Variants in CSMD3 observed in about 807,000 individuals in gnomAD.
CSMD3 encodes CUB and Sushi multiple domains 3.
In CSMD3, 177 loss-of-function variants were observed where a neutral mutation model predicts 435.2. The observed-to-expected ratio is 0.41, with a 90% CI of 0.36 to 0.46. The LOEUF (loss-of-function observed/expected upper bound fraction) is 0.46. Among genes scored for constraint, CSMD3 ranks in the 20% least tolerant of loss-of-function variants. CSMD3 has a pLI of 0.34. For missense variants in CSMD3, 4,265 were observed against 4,504.6 expected, an observed-to-expected ratio of 0.95 and a Z score of 1.52; for synonymous variants, 1,656 against 1,520.5, an observed-to-expected ratio of 1.09 and a Z score of -2.07.
At chr8:112,372,245 A>G (rs73700680) in intron 38 of CSMD3, among the ~76,000 whole-genome samples, 4,984 of 152,274 alleles carry the variant, frequency 0.033, 275 homozygotes, top group African/African-American at 0.11. Context: ...TTTAAAACAA[A>G]TGCTTAATTT....
chr8:112,869,284 T>C (rs1178181077), intron 10 of CSMD3, among the ~76,000 whole-genome samples: 1 of 152,194 alleles, frequency 6.6e-6, no homozygotes, highest in African/African-American at 2.4e-5. Context: ...CATATTATAA[T>C]TGTATAAACT....
At chr8:112,577,031 G>T (rs1321811847) in intron 23 of CSMD3, among the ~76,000 whole-genome samples, 3 of 151,944 alleles carry the variant, frequency 2.0e-5, no homozygotes, top group Admixed American at 6.6e-5. Context: ...TCAAAAGGTA[G>T]AAAACAAATA....
intron 37 of CSMD3, among the ~76,000 whole-genome samples, chr8:112,383,228 A>G (rs1413938233): frequency 6.6e-6 from 1 of 152,128 alleles, no homozygotes; most frequent in African/African-American, 2.4e-5. Context: ...TTCAAAGCAC[A>G]GTCTAATTTT....
At chr8:112,815,178 G>A (rs1272495038) in intron 12 of CSMD3, among the ~76,000 whole-genome samples, 5 of 151,986 alleles carry the variant, frequency 3.3e-5, no homozygotes, top group Non-Finnish European at 7.4e-5. Flanking sequence ...AATAATGTAT[G>A]GTTTTTAAAA....
chr8:112,992,962 GAAAAAGTTTGAAAATCACT>G (rs2085511349), intron 6 of CSMD3, among the ~76,000 whole-genome samples: 1 of 151,608 alleles, frequency 6.6e-6, no homozygotes. Flanking sequence ...TCCCAAAGAT[GAAAAAGTTTGAAAATCACT>G]ATTACAGAGC....
At chr8:112,485,951 T>TA (rs1345746031) in intron 31 of CSMD3, among the ~76,000 whole-genome samples, 1 of 151,772 alleles carries the variant, frequency 6.6e-6, no homozygotes, top group Non-Finnish European at 1.5e-5. Flanking sequence ...TTTTTTTTTT[T>TA]TTTTGCATAA....
intron 4 of CSMD3, among the ~76,000 whole-genome samples, chr8:113,130,510 T>G (rs2091258372): frequency 1.3e-5 from 2 of 152,160 alleles, no homozygotes; most frequent in Non-Finnish European, 2.9e-5. Context: ...GATAGTGGGT[T>G]TCCTGAGCCC....
chr8:113,344,476 A>G (rs1343035578), intron 1 of CSMD3, among the ~76,000 whole-genome samples: 1 of 152,172 alleles, frequency 6.6e-6, no homozygotes, highest in African/African-American at 2.4e-5. Flanking sequence ...TTGGAGATGC[A>G]GGTTTGAAAG....
At chr8:112,499,187 C>G (rs754253654) in intron 30 of CSMD3, among the ~76,000 whole-genome samples, 1 of 151,130 alleles carries the variant, frequency 6.6e-6, no homozygotes, top group Non-Finnish European at 1.5e-5. Flanking sequence ...ACAGAAAAAG[C>G]AAAACAAATA....
chr8:113,028,644 G>A (rs2086966985), intron 5 of CSMD3, among the ~76,000 whole-genome samples: 1 of 151,380 alleles, frequency 6.6e-6, no homozygotes, highest in Non-Finnish European at 1.5e-5. Context: ...AAGTTTTAGT[G>A]GTTTGGATAT....
At chr8:112,892,147 C>G (rs891222003) in intron 10 of CSMD3, among the ~76,000 whole-genome samples, 1 of 151,468 alleles carries the variant, frequency 6.6e-6, no homozygotes, top group African/African-American at 2.4e-5. Context: ...TAAGTATTCT[C>G]TCCCTTATTG....
chr8:113,092,355 T>A (rs866539428), intron 5 of CSMD3, among the ~76,000 whole-genome samples: 1 of 152,080 alleles, frequency 6.6e-6, no homozygotes, highest in Non-Finnish European at 1.5e-5. Context: ...GTATTCATTA[T>A]ACACATTTTT....
At position 112,604,279 on chromosome 8, in the gene CSMD3, G is replaced by A. The variant is rs143808061; in HGVS notation, c.3716-17044C>T. 5.1e-4 allele frequency among the ~76,000 whole-genome samples: 77 copies of A among 152,152 alleles called. 2 individuals carry two copies. The East Asian group carries it at 7.9e-3, about 16-fold the overall frequency. On this transcript the variant is annotated intron_variant, in intron 22 of 70. Transcript: ENST00000297405. ...CCTCCAGCTTTGTTCTTTTTGCTTAGGATGTCATTGGCTATTTGGGCTTTT... is the reference window on the plus strand; with the variant it reads ...CCTCCAGCTTTGTTCTTTTTGCTTAAGATGTCATTGGCTATTTGGGCTTTT...
chr8:112,493,867 A>C (rs1343682769), intron 30 of CSMD3, among the ~76,000 whole-genome samples: 1 of 152,114 alleles, frequency 6.6e-6, no homozygotes, highest in Non-Finnish European at 1.5e-5. Flanking sequence ...GTACAACGTA[A>C]AGGCCATTAC....
chr8:112,860,065 T>G (rs2080781407), intron 10 of CSMD3, among the ~76,000 whole-genome samples: 1 of 151,844 alleles, frequency 6.6e-6, no homozygotes, highest in Non-Finnish European at 1.5e-5. Context: ...CTGTACATAG[T>G]TATCATCATC....
At chr8:112,897,309 T>C (rs897746020) in intron 10 of CSMD3, among the ~76,000 whole-genome samples, 4 of 151,364 alleles carry the variant, frequency 2.6e-5, no homozygotes, top group Non-Finnish European at 4.4e-5. Context: ...TCCCAGAACA[T>C]ACTCTAGTGC....
chr8:112,234,020 A>C (rs887608845), intron 68 of CSMD3, among the ~76,000 whole-genome samples: 2 of 152,028 alleles, frequency 1.3e-5, no homozygotes, highest in Non-Finnish European at 2.9e-5. Context: ...TTTATTTATC[A>C]TAGTGCTGAT....
intron 38 of CSMD3, among the ~76,000 whole-genome samples, chr8:112,370,082 A>AAGAAGAAGAAGAAGT (rs1285510394): frequency 0.019 from 1,894 of 102,034 alleles, 66 homozygotes; most frequent in African/African-American, 0.023. Flanking sequence ...GAAGAAGAAG[A>AAGAAGAAGAAGAAGT]AGTAGTAGTA....
intron 32 of CSMD3, among the ~76,000 whole-genome samples, chr8:112,458,215 C>CACACA (rs1554579456): frequency 1.3e-5 from 2 of 150,690 alleles, no homozygotes; most frequent in African/African-American, 4.9e-5. Flanking sequence ...ACACTCACAC[C>CACACA]CACACACACA....
Sources: gnomAD v4.1 joint callset for allele counts (sites outside exome capture counted in the v4.1 genomes callset) on GRCh38, gnomAD v4.1.1 for gene constraint, MANE v1.5 for transcripts, NCBI Gene and HGNC (gene_info 2026-07-23, HGNC 2026-07-21) for gene names.